FRMD8: variants seen among roughly 807,000 people sequenced by gnomAD.
FRMD8 encodes the protein FERM domain containing 8, also known as FERM domain-containing protein 8.
FRMD8 carries 37 observed loss-of-function variants against 54.2 expected under a neutral mutation model. The observed-to-expected ratio is 0.68, with a 90% CI of 0.53 to 0.90. FRMD8 has a LOEUF of 0.90. Ranked by LOEUF, FRMD8 falls within the 40% of genes least tolerant of loss-of-function variation. The pLI is 0.00. For synonymous variants in FRMD8, 246 were observed against 286.9 expected, an observed-to-expected ratio of 0.86 and a Z score of 1.44; for missense variants, 585 against 653.7, an observed-to-expected ratio of 0.89 and a Z score of 1.15.
At chr11:65,390,126 T>C (rs1855814736) in intron 3 of FRMD8, among the ~76,000 whole-genome samples, 1 of 151,986 alleles carries the variant, frequency 6.6e-6, no homozygotes, top group Admixed American at 6.6e-5. Context: ...TTGACTTCTC[T>C]GGGAGGGGGG....
At chr11:65,389,656 T>C (rs1855804613) in intron 3 of FRMD8, 128 bp downstream of exon 3, 1 of 1,002,602 alleles carries the variant, frequency 1.0e-6, no homozygotes, top group South Asian at 1.6e-5. Flanking sequence ...AGGTGGGACT[T>C]GGGTTTATCC....
upstream of FRMD8, among the ~76,000 whole-genome samples, chr11:65,385,782 T>A (rs115450581): frequency 0.034 from 5,175 of 151,994 alleles, 337 homozygotes; most frequent in African/African-American, 0.12. Context: ...GTTTTCTGAT[T>A]TAGACATATA....
At chr11:65,380,083 T>A in the FRMD8 span, 1 of 1,586,604 alleles carries the variant, frequency 6.3e-7, no homozygotes, top group Non-Finnish European at 8.7e-7. Flanking sequence ...ACCCTGACAT[T>A]TGGGTCAGGT....
intron 7 of FRMD8, 82 bp downstream of exon 7, chr11:65,397,102 C>A: frequency 1.3e-6 from 1 of 747,632 alleles, no homozygotes; most frequent in Non-Finnish European, 2.0e-6. Context: ...AGTGAGCCCA[C>A]CTCTGCTCCA....
chr11:65,395,628 G>A (rs1565602618), intron 6 of FRMD8, among the ~76,000 whole-genome samples: 1 of 152,230 alleles, frequency 6.6e-6, no homozygotes. Flanking sequence ...CCTGAGGCGG[G>A]GAACCAACTG....
At chr11:65,379,205 ACAGCCCTCCCC>A in the FRMD8 span, 2 of 721,284 alleles carry the variant, frequency 2.8e-6, no homozygotes, top group South Asian at 3.8e-5. Context: ...TCTGTTCCCC[ACAGCCCTCCCC>A]CAGAGGCCTG....
At chr11:65,386,844 C>T in intron 1 of FRMD8, 83 bp downstream of exon 1, 1 of 586,822 alleles carries the variant, frequency 1.7e-6, no homozygotes, top group Non-Finnish European at 3.0e-6. Context: ...CAGGTCGACC[C>T]CCGGTTCTTG....
chr11:65,410,321 C>A (rs1856302116), intron 10 of FRMD8, among the ~76,000 whole-genome samples: 1 of 151,658 alleles, frequency 6.6e-6, no homozygotes, highest in African/African-American at 2.4e-5. Context: ...CATGGTGAAA[C>A]CCCGTCTCTA....
upstream of FRMD8, chr11:65,381,933 C>T (rs1462646526): frequency 1.2e-6 from 2 of 1,613,996 alleles, no homozygotes; most frequent in African/African-American, 1.3e-5. Context: ...CAGCCAGCCA[C>T]AAATTCCTCC....
At position 65,396,739 on chromosome 11, in the gene FRMD8, T is replaced by G; in HGVS notation, c.582-60T>G. 2.6e-6 allele frequency: 3 copies of G among 1,164,816 alleles called. No homozygotes were observed. In the South Asian group the frequency reaches 5.4e-5, roughly 21 times the overall value. 72.2% of individuals were successfully genotyped at this position (1,164,816 alleles called of 1,614,324 possible). ...CCAGGCAGCCTTGCTTCCCTCGCCC[T>G]CCCCCGTGAGCCTGGCACCTCTGGT... On this transcript the variant is annotated intron_variant, in intron 6 of 10. Coordinates refer to ENST00000317568, the MANE Select transcript of FRMD8 (RefSeq NM_031904.5).
intron 10 of FRMD8, among the ~76,000 whole-genome samples, 153 bp from the exon 11 acceptor site, chr11:65,411,089 C>T (rs956035136): frequency 1.3e-5 from 2 of 152,208 alleles, no homozygotes; most frequent in Non-Finnish European, 2.9e-5. Flanking sequence ...CTGTAGCATG[C>T]TGAGCGGGGC....
chr11:65,377,464 A>C, the FRMD8 span: 2 of 995,700 alleles, frequency 2.0e-6, no homozygotes, highest in Non-Finnish European at 2.4e-6. Flanking sequence ...TCAGCCTGTG[A>C]CTGTGAAATA....
Position 65,393,615 on chromosome 11 carries a change from GCCAGTGGCCGGAGCTGCTGCTGCGCTTCA to G in FRMD8, c.303_331del (p.Trp101CysfsTer5). 6.2e-7 allele frequency: 1 copy of G among 1,608,808 alleles called. No homozygotes were observed. The highest frequency in any genetic ancestry group is 8.5e-7 in the Non-Finnish European group (1 of 1,179,960). On this transcript the variant is annotated frameshift_variant, in exon 4 of 11. Transcript: ENST00000317568. LOFTEE classifies it high-confidence loss of function. ...AAGCACCAGCCCTACAAGCTGGGAC[GCCAGTGGCCGGAGCTGCTGCTGCGCTTCA>G]CCAGTGCCCCAGACGATGACGTGGC...
At chr11:65,377,305 G>A in the FRMD8 span, 1 of 1,387,480 alleles carries the variant, frequency 7.2e-7, no homozygotes, top group Non-Finnish European at 9.3e-7. Flanking sequence ...GAGAGGCACT[G>A]CCCCTCATGC....
chr11:65,407,921 A>G (rs1238824094), intron 10 of FRMD8, among the ~76,000 whole-genome samples: 2 of 150,512 alleles, frequency 1.3e-5, no homozygotes. Flanking sequence ...ACAGGACAGC[A>G]TGTGTGCAGC....
chr11:65,406,296 G>A (rs1023717154), intron 10 of FRMD8, among the ~76,000 whole-genome samples: 2 of 151,410 alleles, frequency 1.3e-5, no homozygotes, highest in African/African-American at 2.4e-5. Context: ...CTGGGTTCAC[G>A]CCATTCTCCT....
At position 65,400,688 on chromosome 11, in the gene FRMD8, G is replaced by T; in HGVS notation, c.928-36G>T. On this transcript the variant is annotated intron_variant, in intron 8 of 10. Transcript: ENST00000317568. The surrounding 1 kb of genome is among the most constrained non-coding windows in gnomAD (Gnocchi z 4.3). ...GGGGTGGGGAGCAGACCTCTGCCCA[G>T]GGGTCAAGCCTGGCTCTGTGTCTCC... 1 of 1,528,886 alleles carries T rather than the reference G, an allele frequency of 6.5e-7. No individual in the cohort carries two copies. The allele number at this position is 1,528,886 out of a possible 1,614,324, so 94.7% of individuals were successfully genotyped here. A position where few individuals can be genotyped will look rare whatever the true frequency, so the allele number is the denominator to read the frequency against.
At chr11:65,394,501 T>C (rs1855908634) in intron 6 of FRMD8, 76 bp downstream of exon 6, 8 of 1,494,884 alleles carry the variant, frequency 5.4e-6, no homozygotes, top group Non-Finnish European at 7.2e-6. Context: ...ACAAGCAGTC[T>C]TCAGTCTCGC....
rs748144632 is a variant in FRMD8, at chr11:65,387,104, C to T, written c.68C>T (p.Ser23Phe). The T allele has an allele frequency of 1.9e-6, 3 of 1,606,884 alleles. No homozygotes were observed. In the African/African-American group the frequency reaches 4.0e-5, roughly 21 times the overall value. Residue 23 changes from serine to phenylalanine, a missense_variant, in exon 2 of 11, where the codon TCC (serine) becomes TTC (phenylalanine). Coordinates refer to ENST00000317568, the MANE Select transcript of FRMD8 (RefSeq NM_031904.5). ...GAGCGATCCCACCGAAGCAGCGTGTCCTCCGTGGGAGCCCGAGGTGGGTCC... is the reference window on the plus strand; with the variant it reads ...GAGCGATCCCACCGAAGCAGCGTGTTCTCCGTGGGAGCCCGAGGTGGGTCC... ...PAERSHRSSV[S>F]SVGARAADVL...
Sources: allele counts gnomAD v4.1 joint callset (sites outside exome capture counted in the v4.1 genomes callset), GRCh38; gene constraint gnomAD v4.1.1; non-coding constraint Gnocchi (gnomAD v3.1); transcripts MANE v1.5; gene names NCBI Gene and HGNC (gene_info 2026-07-23, HGNC 2026-07-21).